The following SLC9A3 variants were observed in gnomAD, a reference collection of about 807,000 sequenced individuals.
The protein encoded by SLC9A3 is solute carrier family 9 member A3, also known as sodium/hydrogen exchanger 3.
A neutral mutation model predicts 86.8 loss-of-function variants in SLC9A3; 37 were observed. The observed-to-expected ratio is 0.43, with a 90% confidence interval of 0.33 to 0.56. The LOEUF is 0.56. SLC9A3 is among the 20% of genes least tolerant of loss of function. The probability of loss-of-function intolerance (pLI) is 0.06; values close to 1 mark genes in which losing one functional copy is unlikely to be tolerated. For synonymous variants in SLC9A3, 581 were observed against 528.3 expected, an observed-to-expected ratio of 1.10 and a Z score of -1.37; for missense variants, 1,011 against 1,171.9, an observed-to-expected ratio of 0.86 and a Z score of 2.00.
At chr5:482,954 C>T (rs1403933726) in intron 6 of SLC9A3, among the ~76,000 whole-genome samples, 1 of 151,532 alleles carries the variant, frequency 6.6e-6, no homozygotes, top group Non-Finnish European at 1.5e-5. Flanking sequence ...ACGCTCCGTG[C>T]ATCACACACA....
At chr5:518,977 C>G (rs1438595573) in intron 1 of SLC9A3, among the ~76,000 whole-genome samples, 1 of 152,140 alleles carries the variant, frequency 6.6e-6, no homozygotes, top group African/African-American at 2.4e-5. Flanking sequence ...CAACCTTTGC[C>G]CCTTTCCTCA....
At chr5:518,998 G>A (rs1279800464) in intron 1 of SLC9A3, among the ~76,000 whole-genome samples, 1 of 152,126 alleles carries the variant, frequency 6.6e-6, no homozygotes, top group Non-Finnish European at 1.5e-5. Context: ...GGATTCTCCC[G>A]GGCGACACCT....
chr5:477,338 T>C lies in SLC9A3; in HGVS notation c.1754A>G (p.Tyr585Cys). 1 of 1,597,384 alleles carries C rather than the reference T, an allele frequency of 6.3e-7. No individual in the cohort carries two copies. The highest frequency in any genetic ancestry group is 1.1e-5 in the South Asian group (1 of 90,402). Residue 585 changes from tyrosine to cysteine, a missense_variant, in exon 11 of 17, where the codon TAC becomes TGC. Tyr to Cys is a radical substitution (Grantham distance 194). Coordinates refer to ENST00000264938, the MANE Select transcript of SLC9A3 (RefSeq NM_004174.4). ...CATGACCATGGCCACATACAGGAGG[T>C]AGGAGACAGAGGCCTCCACGGTGGA... ...RSSTVEASVS[Y>C]LLRENVSAVC...
chr5:524,433 G>C lies in SLC9A3; in HGVS notation c.-111C>G. On this transcript the variant is annotated 5_prime_UTR_variant, in exon 1 of 17. Transcript: ENST00000264938. ...CGAGGACCCGGCGCGCTCCGGTGCC[G>C]GTACCGGCTACAGTCCGATCCCCGC... is the stretch of plus-strand genomic sequence containing the variant. 3.0e-6 allele frequency: 1 copy of C among 334,552 alleles called. No individual in the cohort carries two copies. Among genetic ancestry groups the C allele is most frequent in the Non-Finnish European group, 4.8e-6 (1 of 206,334 alleles). The allele number at this position is 334,552 out of a possible 1,614,324, so 20.7% of individuals were successfully genotyped here. A position where few individuals can be genotyped will look rare whatever the true frequency, so the allele number is the denominator to read the frequency against.
At chr5:473,431 CGG>C (rs1248778917) in intron 16 of SLC9A3, 49 bp from the exon 17 acceptor site, 1 of 1,339,792 alleles carries the variant, frequency 7.5e-7, no homozygotes, top group East Asian at 3.2e-5. Flanking sequence ...GGCGCTGGGG[CGG>C]GAGGGGCGTC....
At position 472,544 on chromosome 5, in the gene SLC9A3, G is replaced by A. The variant is rs1579754802; in HGVS notation, c.*835C>T. The A allele has an allele frequency of 1.7e-5, 6 of 346,618 alleles. No individual in the cohort carries two copies. Among genetic ancestry groups the A allele is most frequent in the East Asian group, 9.2e-5 (1 of 10,896 alleles). 21.5% of individuals were successfully genotyped at this position (346,618 alleles called of 1,614,324 possible). A position where few individuals can be genotyped will look rare whatever the true frequency, so the allele number is the denominator to read the frequency against. On this transcript the variant is annotated 3_prime_UTR_variant, in exon 17 of 17. Coordinates refer to ENST00000264938, the MANE Select transcript of SLC9A3 (RefSeq NM_004174.4). ...GCCGGAGACCTCGTCTGTGGGGACGGGCCGTGTCCGGGGCCGCCACCCTGA... is the reference window on the plus strand; with the variant it reads ...GCCGGAGACCTCGTCTGTGGGGACGAGCCGTGTCCGGGGCCGCCACCCTGA...
intron 14 of SLC9A3, 35 bp downstream of exon 14, chr5:475,985 C>T (rs772148225): frequency 1.8e-5 from 28 of 1,559,180 alleles, no homozygotes; most frequent in Non-Finnish European, 2.4e-5. Flanking sequence ...GTGGTGGCTC[C>T]CAGTCCCAGC....
In SLC9A3 at chr5:488,287, C is replaced by T. The variant is rs201863512; in HGVS notation, c.675+29G>A. 2,321 of 1,609,426 alleles carry T rather than the reference C, an allele frequency of 1.4e-3. 23 individuals are homozygous for T. Among genetic ancestry groups the T allele is most frequent in the Non-Finnish European group, 5.7e-4 (675 of 1,177,748 alleles). On this transcript the variant is annotated intron_variant, in intron 3 of 16. Transcript: ENST00000264938. Reference sequence around the variant, plus strand: ...GGGCCCAGGCCTCCCACGGCTCGCCCGCTCTGGAGCGGTGGCTCCGTTGCT... The same window carrying T: ...GGGCCCAGGCCTCCCACGGCTCGCCTGCTCTGGAGCGGTGGCTCCGTTGCT...
In SLC9A3 at chr5:491,008, G is replaced by C. The variant is rs180838994; in HGVS notation, c.514+761C>G. On this transcript the variant is annotated intron_variant, in intron 2 of 16. Coordinates refer to ENST00000264938, the MANE Select transcript of SLC9A3 (RefSeq NM_004174.4). This position sits in a 1 kb window ranked among gnomAD's most constrained non-coding sequence, Gnocchi z 9.2. ...TTGATTCCCATGGAGAGGCCGGGCCGTGCTCTCTCTTGAACCAGACGGAAA... is the reference window on the plus strand; with the variant it reads ...TTGATTCCCATGGAGAGGCCGGGCCCTGCTCTCTCTTGAACCAGACGGAAA... 8.5e-5 allele frequency among the ~76,000 whole-genome samples: 13 copies of C among 152,358 alleles called. No homozygotes were observed. Among genetic ancestry groups the C allele is most frequent in the Non-Finnish European group, 1.5e-4 (10 of 68,030 alleles).
chr5:476,173 C>T (rs763380922), intron 13 of SLC9A3, 29 bp downstream of exon 13: 47 of 1,612,754 alleles, frequency 2.9e-5, no homozygotes, highest in Admixed American at 2.2e-4. Flanking sequence ...GCCCCAGCCC[C>T]GCCAAGCCTC....
intron 2 of SLC9A3, among the ~76,000 whole-genome samples, chr5:489,181 T>C (rs896773518): frequency 6.6e-6 from 1 of 152,144 alleles, no homozygotes; most frequent in African/African-American, 2.4e-5. Context: ...GAACTGAGTG[T>C]GGCCACGTGG....
At position 496,335 on chromosome 5, in the gene SLC9A3, G is replaced by GCACCCCA. The variant is rs1254372584; in HGVS notation, c.212-4265_212-4264insTGGGGTG. Among the ~76,000 whole-genome samples the GCACCCCA allele has an allele frequency of 6.6e-6, 1 of 152,090 alleles. No homozygotes were observed. Among genetic ancestry groups the GCACCCCA allele is most frequent in the Non-Finnish European group, 1.5e-5 (1 of 68,004 alleles). On this transcript the variant is annotated intron_variant, in intron 1 of 16. Transcript: ENST00000264938. This position sits in a 1 kb window ranked among gnomAD's most constrained non-coding sequence, Gnocchi z 4.7. ...CCCACCTGCCCACGGGGGAGGAGCC[G>GCACCCCA]CACCCATCCCCACCGGCCAGGCAGG...
At chr5:501,490 C>G (rs945787857) in intron 1 of SLC9A3, among the ~76,000 whole-genome samples, 1 of 152,204 alleles carries the variant, frequency 6.6e-6, no homozygotes, top group African/African-American at 2.4e-5. Context: ...CCCACCCTCC[C>G]GGGGGACGAG....
Position 475,618 on chromosome 5 carries a change from C to A in SLC9A3, c.2194G>T (p.Gly732Trp). The change falls in exon 15 of 17, where the codon GGG becomes TGG. Residue 732 changes from glycine to tryptophan, a missense_variant. Coordinates refer to ENST00000264938, the MANE Select transcript of SLC9A3 (RefSeq NM_004174.4). The part of the protein sequence containing the change: ...EPPNYDEEMS[G>W]GIEFLASVTK... ...ACACTAGCCAGGAACTCGATCCCCC[C>A]ACTCATCTCCTCATCATAGTTGGGG... The A allele has an allele frequency of 6.4e-7, 1 of 1,552,722 alleles. No homozygotes were observed. Among genetic ancestry groups the A allele is most frequent in the South Asian group, 1.2e-5 (1 of 84,164 alleles).
chr5:476,129 C>G, intron 13 of SLC9A3, 37 bp from the exon 14 acceptor site: 1 of 1,611,968 alleles, frequency 6.2e-7, no homozygotes, highest in Non-Finnish European at 8.5e-7. Context: ...CACCCCGACA[C>G]AGCCACACCC....
chr5:514,268 A>G (rs1042389954), intron 1 of SLC9A3, among the ~76,000 whole-genome samples: 2 of 152,170 alleles, frequency 1.3e-5, no homozygotes, highest in Non-Finnish European at 2.9e-5. Context: ...AAGACGCTTC[A>G]CACACTCCCT....
chr5:520,149 C>T (rs1343750041), intron 1 of SLC9A3, among the ~76,000 whole-genome samples: 1 of 152,150 alleles, frequency 6.6e-6, no homozygotes, highest in Non-Finnish European at 1.5e-5. Flanking sequence ...CCTGAGCCAG[C>T]GCTGCCCAGC....
In SLC9A3 at chr5:472,079, G is replaced by A. The variant is rs181281253; in HGVS notation, c.*1300C>T. ...CCACCGTGCAGGCAGGTTTCAGGTG[G>A]GTTGGACCCTGTGGGACTTGCCGTC... On this transcript the variant is annotated 3_prime_UTR_variant, in exon 17 of 17. Coordinates refer to ENST00000264938, the MANE Select transcript of SLC9A3 (RefSeq NM_004174.4). 1.8e-3 allele frequency: 788 copies of A among 443,432 alleles called. 10 individuals are homozygous for A. Among genetic ancestry groups the A allele is most frequent in the Non-Finnish European group, 4.3e-4 (95 of 219,404 alleles). The allele number at this position is 443,432 out of a possible 1,614,324, so 27.5% of individuals were successfully genotyped here.
At position 471,667 on chromosome 5, in the gene SLC9A3, T is replaced by C; in HGVS notation, c.*1712A>G. Reference sequence around the variant, plus strand: ...CATAGAGGATGGCTGCATTTTGTGCTCAGAGTTGGTTGAAATGGCTACGAA... The same window carrying C: ...CATAGAGGATGGCTGCATTTTGTGCCCAGAGTTGGTTGAAATGGCTACGAA... On this transcript the variant is annotated 3_prime_UTR_variant, in exon 17 of 17. Coordinates refer to ENST00000264938, the MANE Select transcript of SLC9A3 (RefSeq NM_004174.4). 1 of 421,630 alleles carries C rather than the reference T, an allele frequency of 2.4e-6. No individual in the cohort carries two copies. Among genetic ancestry groups the C allele is most frequent in the South Asian group, 1.7e-5 (1 of 59,100 alleles). 26.1% of individuals were successfully genotyped at this position (421,630 alleles called of 1,614,324 possible). A position where few individuals can be genotyped will look rare whatever the true frequency, so the allele number is the denominator to read the frequency against.
Sources: allele counts gnomAD v4.1 joint callset (sites outside exome capture counted in the v4.1 genomes callset), GRCh38; gene constraint gnomAD v4.1.1; non-coding constraint Gnocchi (gnomAD v3.1); transcripts MANE v1.5; gene names NCBI Gene and HGNC (gene_info 2026-07-23, HGNC 2026-07-21).